Variants in NEGR1 observed in about 807,000 individuals in gnomAD.
NEGR1 encodes the protein neuronal growth regulator 1.
A neutral mutation model predicts 40.9 loss-of-function variants in NEGR1; 10 were observed. The ratio of observed to expected loss-of-function variants is 0.24; its 90% CI spans 0.15 to 0.42. NEGR1 has a LOEUF of 0.42. NEGR1 is among the 10% of genes least tolerant of loss of function. NEGR1 has a pLI of 1.00. For synonymous variants in NEGR1, 185 were observed against 166.8 expected, an observed-to-expected ratio of 1.11 and a Z score of -0.84; for missense variants, 352 against 438.9, an observed-to-expected ratio of 0.80 and a Z score of 1.77.
intron 2 of NEGR1, among the ~76,000 whole-genome samples, chr1:71,911,024 T>A (rs1661409384): frequency 6.6e-6 from 1 of 152,110 alleles, no homozygotes; most frequent in South Asian, 2.1e-4. Flanking sequence ...AACCAGAATT[T>A]CCTGTAGTAC....
At chr1:72,042,104 C>G (rs569623924) in intron 1 of NEGR1, among the ~76,000 whole-genome samples, 3 of 150,988 alleles carry the variant, frequency 2.0e-5, no homozygotes, top group Non-Finnish European at 4.4e-5. Flanking sequence ...AATAAAAGAA[C>G]CTTCAACATT....
At chr1:72,153,039 G>C (rs1351318126) in intron 1 of NEGR1, among the ~76,000 whole-genome samples, 1 of 151,818 alleles carries the variant, frequency 6.6e-6, no homozygotes, top group Non-Finnish European at 1.5e-5. Context: ...CACTACCTTG[G>C]TAATAGGATC....
chr1:71,706,216 C>G (rs1300951136), intron 3 of NEGR1, among the ~76,000 whole-genome samples: 2 of 152,184 alleles, frequency 1.3e-5, no homozygotes, highest in Admixed American at 6.5e-5. Flanking sequence ...AAACTCAGTG[C>G]TGTCTTGTTA....
At chr1:72,258,480 AG>A (rs1557601850) in intron 1 of NEGR1, among the ~76,000 whole-genome samples, 1 of 152,182 alleles carries the variant, frequency 6.6e-6, no homozygotes, top group African/African-American at 2.4e-5. Context: ...TCGCTGACTT[AG>A]AGTGAAAAAA....
intron 1 of NEGR1, among the ~76,000 whole-genome samples, chr1:72,021,380 A>C (rs1372528164): frequency 6.6e-6 from 1 of 152,146 alleles, no homozygotes; most frequent in Non-Finnish European, 1.5e-5. Context: ...TGAAAGAATA[A>C]ATGCAAAGGA....
chr1:71,745,413 C>T (rs1655350543), intron 3 of NEGR1, among the ~76,000 whole-genome samples: 2 of 151,696 alleles, frequency 1.3e-5, no homozygotes, highest in Admixed American at 6.6e-5. Flanking sequence ...GCTTTGTTTT[C>T]TTCTTTCAGG....
intron 6 of NEGR1, among the ~76,000 whole-genome samples, chr1:71,519,739 A>C (rs1277882343): frequency 6.7e-6 from 1 of 149,552 alleles, no homozygotes; most frequent in African/African-American, 2.5e-5. Context: ...TAAAAAAAAA[A>C]AAAAATTAAA....
chr1:71,883,483 C>T (rs183145132), intron 2 of NEGR1, among the ~76,000 whole-genome samples: 3 of 151,966 alleles, frequency 2.0e-5, no homozygotes, highest in East Asian at 1.9e-4. Context: ...CACAAAAATT[C>T]GACCATTTGA....
intron 2 of NEGR1, among the ~76,000 whole-genome samples, chr1:71,780,993 T>A (rs1656694752): frequency 6.6e-6 from 1 of 152,204 alleles, no homozygotes; most frequent in Admixed American, 6.5e-5. Context: ...TTTTGGATTA[T>A]TCTCCACTGT....
At chr1:71,620,306 T>C (rs1650570875) in intron 4 of NEGR1, among the ~76,000 whole-genome samples, 1 of 151,952 alleles carries the variant, frequency 6.6e-6, no homozygotes, top group Non-Finnish European at 1.5e-5. Flanking sequence ...CTGTGGAAAA[T>C]AAGCATGTTG....
At chr1:72,181,013 C>T (rs977004308) in intron 1 of NEGR1, among the ~76,000 whole-genome samples, 5 of 151,808 alleles carry the variant, frequency 3.3e-5, no homozygotes, top group East Asian at 3.9e-4. Context: ...TATCAACCGG[C>T]GAAATGATGG....
At chr1:72,180,429 C>T (rs1652322821) in intron 1 of NEGR1, among the ~76,000 whole-genome samples, 1 of 149,738 alleles carries the variant, frequency 6.7e-6, no homozygotes, top group African/African-American at 2.4e-5. Context: ...AAAAAAAATA[C>T]CAAAATCTCA....
intron 6 of NEGR1, among the ~76,000 whole-genome samples, chr1:71,496,053 T>C (rs1408407776): frequency 1.3e-5 from 2 of 152,216 alleles, no homozygotes; most frequent in African/African-American, 4.8e-5. Flanking sequence ...AGCAAGACCA[T>C]CTACATGCTC....
chr1:72,246,319 G>A (rs1259658951), intron 1 of NEGR1, among the ~76,000 whole-genome samples: 1 of 152,068 alleles, frequency 6.6e-6, no homozygotes. Context: ...ATCCTTTTAT[G>A]ATAACATCGT....
intron 1 of NEGR1, among the ~76,000 whole-genome samples, chr1:72,228,549 A>G (rs982865841): frequency 1.3e-5 from 2 of 152,064 alleles, no homozygotes; most frequent in African/African-American, 2.4e-5. Flanking sequence ...CTCTTCACAT[A>G]TATCTCCTAT....
intron 4 of NEGR1, among the ~76,000 whole-genome samples, chr1:71,679,006 G>C (rs566752738): frequency 1.3e-5 from 2 of 152,260 alleles, no homozygotes; most frequent in East Asian, 1.9e-4. Flanking sequence ...ACGGTATCAA[G>C]TTTGTGTTTT....
chr1:71,931,215 C>T (rs1269872278), intron 2 of NEGR1, among the ~76,000 whole-genome samples: 2 of 152,162 alleles, frequency 1.3e-5, no homozygotes, highest in African/African-American at 4.8e-5. Flanking sequence ...CTAGTCAAAT[C>T]TCCTCCTACT....
intron 2 of NEGR1, among the ~76,000 whole-genome samples, chr1:71,894,916 C>T (rs1335650101): frequency 6.6e-6 from 1 of 151,684 alleles, no homozygotes; most frequent in Non-Finnish European, 1.5e-5. Flanking sequence ...GAGACTCCAT[C>T]TCCAAATTTT....
intron 1 of NEGR1, among the ~76,000 whole-genome samples, chr1:72,232,995 C>A (rs1654423481): frequency 6.6e-6 from 1 of 152,154 alleles, no homozygotes; most frequent in Non-Finnish European, 1.5e-5. Context: ...ATCTCACAAT[C>A]CAGACAGTTA....
Sources: gnomAD v4.1 joint callset for allele counts (sites outside exome capture counted in the v4.1 genomes callset) on GRCh38, gnomAD v4.1.1 for gene constraint, MANE v1.5 for transcripts, NCBI Gene and HGNC (gene_info 2026-07-23, HGNC 2026-07-21) for gene names.